CTBP1: variants seen among roughly 807,000 people sequenced by gnomAD.
CTBP1 encodes C-terminal binding protein 1.
Under a neutral mutation model 42.1 loss-of-function variants are expected in CTBP1, and 11 were observed. The observed-to-expected ratio is 0.26, with a 90% CI of 0.16 to 0.43. CTBP1 has a LOEUF of 0.43. Among genes scored for constraint, CTBP1 ranks in the 20% least tolerant of loss-of-function variants. CTBP1 has a pLI of 1.00. For missense variants in CTBP1, 399 were observed against 624.3 expected (o/e 0.64, Z 3.85); for synonymous variants, 324 against 277.1 (o/e 1.17, Z -1.68).
Position 1,233,384 on chromosome 4 carries a change from A to C in CTBP1, c.162+4799T>G, listed in dbSNP as rs1326395565. On this transcript the variant is annotated intron_variant, in intron 3 of 9. Coordinates refer to ENST00000382952, the MANE Select transcript of CTBP1 (RefSeq NM_001012614.2). This position sits in a 1 kb window ranked among gnomAD's most constrained non-coding sequence, Gnocchi z 4.6. ...CTTTCTGGTGGCCTCCCCACCCCCAAGGCGTGGAGATGCTTGTCTTGCAGG... is the reference window on the plus strand; with the variant it reads ...CTTTCTGGTGGCCTCCCCACCCCCACGGCGTGGAGATGCTTGTCTTGCAGG... 6.6e-6 allele frequency among the ~76,000 whole-genome samples: 1 copy of C among 152,118 alleles called. No individual in the cohort carries two copies. Among genetic ancestry groups the C allele is most frequent in the Admixed American group, 6.5e-5 (1 of 15,278 alleles).
At chr4:1,243,470 A>G in intron 1 of CTBP1, 3 of 985,314 alleles carry the variant, frequency 3.0e-6, no homozygotes, top group South Asian at 4.7e-5. Flanking sequence ...TTCAGGACAG[A>G]CACCTGAGGC....
At chr4:1,242,606 C>T (rs535783425) in intron 1 of CTBP1, 40 of 985,432 alleles carry the variant, frequency 4.1e-5, no homozygotes, top group Admixed American at 1.2e-4. Context: ...TGCAGCCCCA[C>T]GCACGCACCT....
chr4:1,213,153 G>A, intron 8 of CTBP1, 123 bp from the exon 9 acceptor site: 1 of 891,164 alleles, frequency 1.1e-6, no homozygotes, highest in Non-Finnish European at 1.8e-6. Context: ...CAGCCCCGGG[G>A]CTCCCAAGGC....
intron 5 of CTBP1, chr4:1,223,417 C>T (rs770478508): frequency 6.6e-6 from 3 of 455,712 alleles, no homozygotes; most frequent in African/African-American, 2.0e-5. Flanking sequence ...ACCTCTCCCA[C>T]TAACCTAGGT....
intron 3 of CTBP1, chr4:1,234,983 G>A (rs1365947275): frequency 1.3e-5 from 2 of 152,260 alleles, no homozygotes; most frequent in East Asian, 1.9e-4. Context: ...TGGGGATGAA[G>A]AGATCATACA....
intron 3 of CTBP1, among the ~76,000 whole-genome samples, chr4:1,231,931 A>G (rs1731003964): frequency 6.6e-6 from 1 of 152,222 alleles, no homozygotes; most frequent in African/African-American, 2.4e-5. Flanking sequence ...ACCTGTGAGA[A>G]CCCAGGAGGC....
intron 5 of CTBP1, among the ~76,000 whole-genome samples, chr4:1,224,354 G>A (rs754573509): frequency 1.3e-5 from 2 of 151,860 alleles, no homozygotes; most frequent in South Asian, 2.1e-4. Flanking sequence ...TGGGGTCCAC[G>A]TGTGTGCTGT....
At position 1,220,054 on chromosome 4, in the gene CTBP1, T is replaced by C. The variant is rs542780942; in HGVS notation, c.515-3849A>G. ...TTGTCTCTACTAAAAATACAAAAAT[T>C]AGCCAGGCATGGTGGCGTGTGCCTG... On this transcript the variant is annotated intron_variant, in intron 5 of 9. Coordinates refer to ENST00000382952, the MANE Select transcript of CTBP1 (RefSeq NM_001012614.2). Among the ~76,000 whole-genome samples the C allele has an allele frequency of 2.6e-5, 4 of 152,108 alleles. No individual in the cohort carries two copies. The East Asian group carries it at 7.7e-4, about 29-fold the overall frequency.
chr4:1,237,639 C>A, intron 3 of CTBP1: 1 of 611,176 alleles, frequency 1.6e-6, no homozygotes, highest in Non-Finnish European at 3.0e-6. Context: ...CAGGACAAAC[C>A]CCGTGTCCAC....
At position 1,238,994 on chromosome 4, in the gene CTBP1, T is replaced by C. The variant is rs1731872033; in HGVS notation, c.8-657A>G. Reference sequence around the variant, plus strand: ...CTGATGGGGTCACCAGTGTTTCACGTAGGACGCCCCCAACCCTCTGCCTGG... The same window carrying C: ...CTGATGGGGTCACCAGTGTTTCACGCAGGACGCCCCCAACCCTCTGCCTGG... On this transcript the variant is annotated intron_variant, in intron 2 of 9. Transcript: ENST00000382952. The surrounding 1 kb of genome is among the most constrained non-coding windows in gnomAD (Gnocchi z 5.9). Among the ~76,000 whole-genome samples the C allele has an allele frequency of 6.6e-6, 1 of 152,138 alleles. No homozygotes were observed. Among genetic ancestry groups the C allele is most frequent in the South Asian group, 2.1e-4 (1 of 4,822 alleles).
intron 5 of CTBP1, among the ~76,000 whole-genome samples, chr4:1,224,128 G>T (rs1417558418): frequency 6.6e-6 from 1 of 152,254 alleles, no homozygotes; most frequent in Admixed American, 6.5e-5. Flanking sequence ...ATGCTAGACC[G>T]TGGTTGATGT....
At chr4:1,219,033 T>C (rs368138748) in intron 5 of CTBP1, among the ~76,000 whole-genome samples, 1 of 151,960 alleles carries the variant, frequency 6.6e-6, no homozygotes, top group East Asian at 1.9e-4. Flanking sequence ...AGACACACTT[T>C]AAACATAAAA....
chr4:1,244,983 A>T, intron 1 of CTBP1: 2 of 985,448 alleles, frequency 2.0e-6, no homozygotes, highest in Non-Finnish European at 2.4e-6. Context: ...ATGGCAGAGA[A>T]GGCAGGCCCC....
In CTBP1 at chr4:1,212,176, C is replaced by T. The variant is rs1728603930; in HGVS notation, c.*64G>A. Reference sequence around the variant, plus strand: ...CCACCACACAGATGCCTCCTCCACACACTCTGGTCCGAGGGTTTCCGGGCC... The same window carrying T: ...CCACCACACAGATGCCTCCTCCACATACTCTGGTCCGAGGGTTTCCGGGCC... On this transcript the variant is annotated 3_prime_UTR_variant, in exon 10 of 10. Transcript: ENST00000382952. The T allele has an allele frequency of 7.5e-7, 1 of 1,331,988 alleles. No individual in the cohort carries two copies. The highest frequency in any genetic ancestry group is 1.6e-5 in the African/African-American group (1 of 64,420). The allele number at this position is 1,331,988 out of a possible 1,614,324, so 82.5% of individuals were successfully genotyped here.
chr4:1,248,222 G>A lies in CTBP1; in HGVS notation c.-189+694C>T, dbSNP rs1341012796. On this transcript the variant is annotated intron_variant, in intron 1 of 9. Transcript: ENST00000382952. ...CGCCCCGGGACCTGGGCGGGCCCAG[G>A]CAAGGGCAGGTGGGGGCGCTGGGCC... Among the ~76,000 whole-genome samples, 5 of 152,008 alleles carry A rather than the reference G, an allele frequency of 3.3e-5. No individual in the cohort carries two copies. In the East Asian group the frequency reaches 5.8e-4, roughly 18 times the overall value.
intron 9 of CTBP1, 24 bp downstream of exon 9, chr4:1,212,889 T>C (rs1188055195): frequency 1.2e-6 from 2 of 1,602,112 alleles, no homozygotes; most frequent in Middle Eastern, 1.7e-4. Context: ...CTGGAGGCTG[T>C]TCTGGGCCAG....
intron 5 of CTBP1, chr4:1,218,569 G>C (rs949682064): frequency 7.9e-5 from 12 of 152,170 alleles, no homozygotes; most frequent in Non-Finnish European, 1.8e-4. Context: ...TGTGTCGGTT[G>C]ATATTCAAAA....
intron 1 of CTBP1, chr4:1,245,247 G>GGCCT (rs1487669213): frequency 1.0e-6 from 1 of 985,466 alleles, no homozygotes; most frequent in Non-Finnish European, 1.2e-6. Context: ...ACACAGCGCA[G>GGCCT]GGGCTGTGAT....
In CTBP1 at chr4:1,223,905, C is replaced by T. The variant is rs574064844; in HGVS notation, c.514+1455G>A. Among the ~76,000 whole-genome samples the T allele has an allele frequency of 1.7e-3, 257 of 152,334 alleles. 1 individual carries two copies. Among genetic ancestry groups the T allele is most frequent in the African/African-American group, 5.5e-3 (230 of 41,582 alleles). On this transcript the variant is annotated intron_variant, in intron 5 of 9. Transcript: ENST00000382952. ...GTGGGGCCGGTTCACCGCTGCATGC[C>T]GGACCCAGGACAGTGCTGGGCCCAG...
Sources: gnomAD v4.1 joint callset for allele counts (sites outside exome capture counted in the v4.1 genomes callset) on GRCh38, gnomAD v4.1.1 for gene constraint, Gnocchi (gnomAD v3.1) non-coding constraint, MANE v1.5 for transcripts, NCBI Gene and HGNC (gene_info 2026-07-23, HGNC 2026-07-21) for gene names.